RGS10: variants seen among roughly 807,000 people sequenced by gnomAD.
The protein encoded by RGS10 is regulator of G protein signaling 10, also known as regulator of G-protein signalling 10.
A neutral mutation model predicts 23.5 loss-of-function variants in RGS10; 11 were observed. The observed-to-expected ratio is 0.47, with a 90% CI of 0.29 to 0.77. The LOEUF is 0.77. RGS10 is among the 30% of genes least tolerant of loss of function. The pLI is 0.08. For missense variants in RGS10, 180 were observed against 226.3 expected, an observed-to-expected ratio of 0.80 and a Z score of 1.31; for synonymous variants, 77 against 83.2, an observed-to-expected ratio of 0.92 and a Z score of 0.41.
intron 1 of RGS10, among the ~76,000 whole-genome samples, chr10:119,533,188 C>A (rs1041287315): frequency 6.6e-6 from 1 of 151,504 alleles, no homozygotes; most frequent in Admixed American, 6.6e-5. Flanking sequence ...AAAAATTAGC[C>A]GGGCATGGTG....
chr10:119,515,717 C>A, intron 3 of RGS10, 65 bp from the exon 4 acceptor site: 1 of 1,590,816 alleles, frequency 6.3e-7, no homozygotes, highest in Admixed American at 1.7e-5. Flanking sequence ...GAGCCCTGCT[C>A]TCCCCTCCAG....
rs1405699092 is a variant in RGS10, at chr10:119,517,800, C to G, written c.256-2148G>C. ...GTCTTTGAGGTGGGGCAGAAGAGGC[C>G]GGGGGAGAGGAAGTAGGTTCCAGTG... On this transcript the variant is annotated intron_variant, in intron 3 of 4. Coordinates refer to ENST00000369103, the MANE Select transcript of RGS10 (RefSeq NM_001005339.2). The surrounding 1 kb of genome is among the most constrained non-coding windows in gnomAD (Gnocchi z 5.0). 6.6e-6 allele frequency among the ~76,000 whole-genome samples: 1 copy of G among 152,122 alleles called. No individual in the cohort carries two copies. The highest frequency in any genetic ancestry group is 1.5e-5 in the Non-Finnish European group (1 of 68,016).
At chr10:119,510,683 AC>A (rs1844066789) in intron 4 of RGS10, among the ~76,000 whole-genome samples, 1 of 152,162 alleles carries the variant, frequency 6.6e-6, no homozygotes, top group South Asian at 2.1e-4. Flanking sequence ...CAGCAGACCA[AC>A]AAGGACTGAA....
chr10:119,529,264 C>T (rs1328730900), intron 1 of RGS10, among the ~76,000 whole-genome samples: 1 of 151,922 alleles, frequency 6.6e-6, no homozygotes, highest in African/African-American at 2.4e-5. Flanking sequence ...ACCAGCTTGG[C>T]CAACATGGTG....
chr10:119,528,414 A>G (rs1255611736), intron 1 of RGS10, among the ~76,000 whole-genome samples: 2 of 152,216 alleles, frequency 1.3e-5, no homozygotes, highest in Non-Finnish European at 2.9e-5. Flanking sequence ...AAATAAAGAC[A>G]GGATCGGTTA....
chr10:119,515,473 T>A, intron 4 of RGS10, 36 bp downstream of exon 4: 2 of 1,612,918 alleles, frequency 1.2e-6, no homozygotes, highest in Non-Finnish European at 1.7e-6. Context: ...TAATGTAGGT[T>A]TTCAAATCAA....
chr10:119,537,986 A>T lies in RGS10; in HGVS notation c.49+4604T>A, dbSNP rs3808953. The stretch of plus-strand genomic sequence containing the variant: ...CGACAACCTCTACAAGATTCTGTGG[A>T]TCAGGACAGCTCTTTACCTGAGATT... On this transcript the variant is annotated intron_variant, in intron 1 of 4. Coordinates refer to ENST00000369103, the MANE Select transcript of RGS10 (RefSeq NM_001005339.2). Among the ~76,000 whole-genome samples, 1,242 of 152,296 alleles carry T rather than the reference A, an allele frequency of 8.2e-3. 25 individuals are homozygous for T. The highest frequency in any genetic ancestry group is 0.063 in the East Asian group (325 of 5,182).
At chr10:119,533,263 C>A (rs893506365) in intron 1 of RGS10, among the ~76,000 whole-genome samples, 5 of 149,814 alleles carry the variant, frequency 3.3e-5, no homozygotes, top group Non-Finnish European at 5.9e-5. Context: ...ACCCGGGAGG[C>A]GGAAGTTGCA....
intron 1 of RGS10, 104 bp downstream of exon 1, chr10:119,542,486 G>T: frequency 9.7e-7 from 1 of 1,036,226 alleles, no homozygotes; most frequent in Non-Finnish European, 1.3e-6. Context: ...CTCCAGTCTG[G>T]GAGGTACCAC....
At chr10:119,526,761 A>C (rs147939998) in intron 2 of RGS10, among the ~76,000 whole-genome samples, 8 of 152,326 alleles carry the variant, frequency 5.3e-5, no homozygotes, top group African/African-American at 1.9e-4. Context: ...ACTTAAAGAC[A>C]GAAGTAACCA....
At chr10:119,528,095 G>C (rs1320067671) in intron 1 of RGS10, among the ~76,000 whole-genome samples, 2 of 152,114 alleles carry the variant, frequency 1.3e-5, no homozygotes, top group African/African-American at 2.4e-5. Flanking sequence ...CAGTAGCACA[G>C]TCTCGGCTCA....
At chr10:119,504,925 G>A (rs973383965) in intron 4 of RGS10, among the ~76,000 whole-genome samples, 11 of 152,200 alleles carry the variant, frequency 7.2e-5, no homozygotes, top group East Asian at 3.8e-4. Context: ...TCTGCTGAGC[G>A]AATACGTTTC....
chr10:119,520,714 C>A (rs1194208318), intron 3 of RGS10, among the ~76,000 whole-genome samples: 3 of 151,116 alleles, frequency 2.0e-5, no homozygotes, highest in Non-Finnish European at 4.4e-5. Flanking sequence ...CTTATGGCCC[C>A]CCAGGAAGAG....
At chr10:119,502,877 T>C (rs1843967798) in intron 4 of RGS10, among the ~76,000 whole-genome samples, 1 of 152,162 alleles carries the variant, frequency 6.6e-6, no homozygotes, top group Non-Finnish European at 1.5e-5. Context: ...CTGTGGCTGT[T>C]GGACCCAGAC....
At position 119,538,439 on chromosome 10, in the gene RGS10, T is replaced by C. The variant is rs1844409216; in HGVS notation, c.49+4151A>G. On this transcript the variant is annotated intron_variant, in intron 1 of 4. Coordinates refer to ENST00000369103, the MANE Select transcript of RGS10 (RefSeq NM_001005339.2). The surrounding 1 kb of genome is among the most constrained non-coding windows in gnomAD (Gnocchi z 4.5). ...ATGGAGGGTGGGAGGCAGCGAGGCCTAGAAGGGTGGGTCTGTTGGAGCAGG... is the reference window on the plus strand; with the variant it reads ...ATGGAGGGTGGGAGGCAGCGAGGCCCAGAAGGGTGGGTCTGTTGGAGCAGG... 6.6e-6 allele frequency among the ~76,000 whole-genome samples: 1 copy of C among 152,020 alleles called. No individual in the cohort carries two copies. The highest frequency in any genetic ancestry group is 1.5e-5 in the Non-Finnish European group (1 of 68,006).
chr10:119,524,940 A>G lies in RGS10; in HGVS notation c.255+1092T>C, dbSNP rs1844256564. 6.6e-6 allele frequency among the ~76,000 whole-genome samples: 1 copy of G among 152,164 alleles called. No individual in the cohort carries two copies. The highest frequency in any genetic ancestry group is 1.5e-5 in the Non-Finnish European group (1 of 68,038). On this transcript the variant is annotated intron_variant, in intron 3 of 4. Transcript: ENST00000369103. This position sits in a 1 kb window ranked among gnomAD's most constrained non-coding sequence, Gnocchi z 5.2. ...AACCCATGATATACATTTTCCAAGC[A>G]GTTGTCTGCAAACGCTTCACGGCTT...
In RGS10 at chr10:119,500,047, C is replaced by A; in HGVS notation, c.*66G>T. ...TTACAAATAACAAAGCAATGATAAA[C>A]CCGGCACGGTCCTGAGAGGAAATTC... On this transcript the variant is annotated 3_prime_UTR_variant, in exon 5 of 5. Transcript: ENST00000369103. 2 of 1,542,682 alleles carry A rather than the reference C, an allele frequency of 1.3e-6. No homozygotes were observed. The highest frequency in any genetic ancestry group is 2.3e-5 in the East Asian group (1 of 44,306).
intron 4 of RGS10, among the ~76,000 whole-genome samples, chr10:119,505,558 C>T (rs1035477721): frequency 2.6e-5 from 4 of 152,070 alleles, no homozygotes; most frequent in African/African-American, 9.7e-5. Flanking sequence ...GTCTTTATAT[C>T]ACCAAGCCAC....
chr10:119,529,697 A>G (rs1844313945), intron 1 of RGS10, among the ~76,000 whole-genome samples: 1 of 152,200 alleles, frequency 6.6e-6, no homozygotes, highest in Non-Finnish European at 1.5e-5. Context: ...AACTACTTCT[A>G]TAACTAACAC....
Sources: gnomAD v4.1 joint callset for allele counts (sites outside exome capture counted in the v4.1 genomes callset) on GRCh38, gnomAD v4.1.1 for gene constraint, Gnocchi (gnomAD v3.1) non-coding constraint, MANE v1.5 for transcripts, NCBI Gene and HGNC (gene_info 2026-07-23, HGNC 2026-07-21) for gene names.